Variants in SEMA3F observed in about 807,000 individuals in gnomAD.
SEMA3F encodes semaphorin-3F.
Under a neutral mutation model 98.5 loss-of-function variants are expected in SEMA3F, and 30 were observed. The observed-to-expected ratio is 0.30, with a 90% confidence interval of 0.23 to 0.41. The LOEUF is 0.41. Ranked by LOEUF, SEMA3F falls within the 10% of genes least tolerant of loss-of-function variation. The pLI, the probability that SEMA3F is intolerant of heterozygous loss-of-function variation, is 1.00. For synonymous variants in SEMA3F, 380 were observed against 444.8 expected, an observed-to-expected ratio of 0.85 and a Z score of 1.83; for missense variants, 866 against 1,119.3, an observed-to-expected ratio of 0.77 and a Z score of 3.23.
rs146951328 is a variant in SEMA3F at position 50,170,371 on chromosome 3, C to T, written c.113-3422C>T. Among the ~76,000 whole-genome samples, 527 of 152,218 alleles carry T rather than the reference C, an allele frequency of 3.5e-3. 2 individuals carry two copies. The highest frequency in any genetic ancestry group is 6.0e-3 in the Non-Finnish European group (410 of 68,024). ...GGTTGCCTCTTCCTGCCTTATAGCC[C>T]TCTCTGCTCCCCAATCTAGCACTAG... is the stretch of plus-strand genomic sequence containing the variant. On this transcript the variant is annotated intron_variant, in intron 2 of 18. Coordinates refer to ENST00000002829, the MANE Select transcript of SEMA3F (RefSeq NM_004186.5).
At chr3:50,165,257 A>T (rs1237272839) in intron 2 of SEMA3F, among the ~76,000 whole-genome samples, 1 of 152,170 alleles carries the variant, frequency 6.6e-6, no homozygotes, top group African/African-American at 2.4e-5. Flanking sequence ...GGGGAAGAGG[A>T]CAGATGCTAG....
At position 50,174,036 on chromosome 3, in the gene SEMA3F, A is replaced by AC. The variant is rs1289025493; in HGVS notation, c.274-10dup. ...CATGTCCAGAAGGCTGCACCTTCTG[A>AC]CCCCCCTCTCTGCAGATACACTGGG... On this transcript the variant is annotated splice_polypyrimidine_tract_variant and intron_variant, in intron 3 of 18. Transcript: ENST00000002829. 5 of 1,613,638 alleles carry AC rather than the reference A, an allele frequency of 3.1e-6. No homozygotes were observed. Among genetic ancestry groups the AC allele is most frequent in the African/African-American group, 1.3e-5 (1 of 74,830 alleles).
chr3:50,168,807 C>CTA (rs1385973644), intron 2 of SEMA3F, among the ~76,000 whole-genome samples: 2 of 152,214 alleles, frequency 1.3e-5, no homozygotes, highest in African/African-American at 4.8e-5. Flanking sequence ...GCCACTGCTA[C>CTA]TATAGCCTTG....
chr3:50,167,320 C>A (rs1208881800), intron 2 of SEMA3F, among the ~76,000 whole-genome samples: 3 of 152,218 alleles, frequency 2.0e-5, no homozygotes, highest in East Asian at 1.9e-4. Flanking sequence ...GCCGGAGAGA[C>A]CCCATCTGCT....
chr3:50,177,193 G>C (rs547051181), intron 7 of SEMA3F, among the ~76,000 whole-genome samples: 2 of 152,194 alleles, frequency 1.3e-5, no homozygotes, highest in Non-Finnish European at 2.9e-5. Context: ...AGCCGAGTGC[G>C]TATCGGGGCT....
At chr3:50,185,054 A>G (rs2109121066) in intron 13 of SEMA3F, among the ~76,000 whole-genome samples, 1 of 152,214 alleles carries the variant, frequency 6.6e-6, no homozygotes. Flanking sequence ...GCATCTGGGG[A>G]CTTATGTATG....
In SEMA3F at chr3:50,159,618, C is replaced by T; in HGVS notation, c.-5C>T. The T allele has an allele frequency of 6.3e-7, 1 of 1,592,682 alleles. No individual in the cohort carries two copies. The highest frequency in any genetic ancestry group is 8.6e-7 in the Non-Finnish European group (1 of 1,163,932). On this transcript the variant is annotated 5_prime_UTR_variant, in exon 2 of 19. Coordinates refer to ENST00000002829, the MANE Select transcript of SEMA3F (RefSeq NM_004186.5). Reference sequence around the variant, plus strand: ...CTGCTTCCTGGGCCCTAGGCCCCTCCCACAATGCTTGTCGCCGGTCTTCTT... The same window carrying T: ...CTGCTTCCTGGGCCCTAGGCCCCTCTCACAATGCTTGTCGCCGGTCTTCTT...
At chr3:50,169,117 T>C (rs1282130629) in intron 2 of SEMA3F, among the ~76,000 whole-genome samples, 2 of 152,136 alleles carry the variant, frequency 1.3e-5, no homozygotes, top group African/African-American at 2.4e-5. Context: ...GACTCCTCTT[T>C]TTGCGGCAGC....
intron 16 of SEMA3F, 34 bp from the exon 17 acceptor site, chr3:50,186,247 T>A (rs1699206634): frequency 2.5e-6 from 4 of 1,607,342 alleles, no homozygotes; most frequent in Non-Finnish European, 3.4e-6. Context: ...GCAAGCTTCC[T>A]GGGAGCACTC....
chr3:50,174,189 G>A (rs1698717968), intron 4 of SEMA3F, 42 bp from the exon 5 acceptor site: 1 of 1,613,800 alleles, frequency 6.2e-7, no homozygotes, highest in Non-Finnish European at 8.5e-7. Flanking sequence ...TGAGGGGGCA[G>A]GCCTGGCCAG....
At position 50,166,140 on chromosome 3, in the gene SEMA3F, C is replaced by G. The variant is rs1028917342; in HGVS notation, c.112+6406C>G. ...TACTCCCCCTTGCCTCCACCCCTCC[C>G]TTTGCCACCCCTCTTGGCTTCCTAC... On this transcript the variant is annotated intron_variant, in intron 2 of 18. Coordinates refer to ENST00000002829, the MANE Select transcript of SEMA3F (RefSeq NM_004186.5). The surrounding 1 kb of genome is among the most constrained non-coding windows in gnomAD (Gnocchi z 4.7). 6.6e-6 allele frequency among the ~76,000 whole-genome samples: 1 copy of G among 152,118 alleles called. No homozygotes were observed. Among genetic ancestry groups the G allele is most frequent in the Non-Finnish European group, 1.5e-5 (1 of 68,010 alleles).
rs1027865253 is a variant in SEMA3F, at chr3:50,173,743, C to T, written c.113-50C>T. ...CTCCCCTTTATCAGAGGGGGTATGG[C>T]TGGATGGTTTCCTGAAGGTCCTAAT... On this transcript the variant is annotated intron_variant, in intron 2 of 18. Transcript: ENST00000002829. The T allele has an allele frequency of 3.2e-6, 5 of 1,563,032 alleles. No individual in the cohort carries two copies. The African/African-American group carries it at 6.8e-5, about 21-fold the overall frequency.
chr3:50,168,547 C>G (rs1284546359), intron 2 of SEMA3F, among the ~76,000 whole-genome samples: 1 of 152,148 alleles, frequency 6.6e-6, no homozygotes, highest in Non-Finnish European at 1.5e-5. Context: ...ATCTGGGCCT[C>G]CCTGCCCCCC....
chr3:50,185,445 C>T lies in SEMA3F; in HGVS notation c.1459C>T (p.Arg487Cys), dbSNP rs755217152. ...AGGCCCTGCCCGGCCCGTTCCAGACCGCGGGACAGTGCAGAAGGTCATTGT... is the reference window on the plus strand; with the variant it reads ...AGGCCCTGCCCGGCCCGTTCCAGACTGCGGGACAGTGCAGAAGGTCATTGT... ...RYEVLFLGTD[R>C]GTVQKVIVLP... Residue 487 changes from arginine to cysteine, a missense_variant and splice_region_variant, in exon 14 of 19, where the codon CGC becomes TGC. Coordinates refer to ENST00000002829, the MANE Select transcript of SEMA3F (RefSeq NM_004186.5). The T allele has an allele frequency of 2.5e-5, 40 of 1,613,056 alleles. No individual in the cohort carries two copies. The highest frequency in any genetic ancestry group is 3.3e-5 in the Admixed American group (2 of 59,902).
At position 50,182,882 on chromosome 3, in the gene SEMA3F, G is replaced by C; in HGVS notation, c.904-22G>C. On this transcript the variant is annotated intron_variant, in intron 9 of 18. Transcript: ENST00000002829. This position sits in a 1 kb window ranked among gnomAD's most constrained non-coding sequence, Gnocchi z 4.5. ...TTGGGGTCAAGAGCTGATCTGACCC[G>C]GCCTCTTGCCCCACCCCCCAGAACG... 1 of 1,611,558 alleles carries C rather than the reference G, an allele frequency of 6.2e-7. No individual in the cohort carries two copies. The highest frequency in any genetic ancestry group is 8.5e-7 in the Non-Finnish European group (1 of 1,178,242).
At chr3:50,171,677 A>ATGTT (rs2109082202) in intron 2 of SEMA3F, among the ~76,000 whole-genome samples, 1 of 152,008 alleles carries the variant, frequency 6.6e-6, no homozygotes, top group East Asian at 1.9e-4. Context: ...GGGTGGGGGA[A>ATGTT]TGTTTACTTT....
chr3:50,178,790 A>T (rs1400107861), intron 7 of SEMA3F, among the ~76,000 whole-genome samples: 2 of 147,042 alleles, frequency 1.4e-5, no homozygotes, highest in African/African-American at 5.0e-5. Flanking sequence ...GTTGTTATTT[A>T]TAGAGCTCAG....
At chr3:50,168,194 G>T (rs1464624947) in intron 2 of SEMA3F, among the ~76,000 whole-genome samples, 2 of 152,036 alleles carry the variant, frequency 1.3e-5, no homozygotes, top group African/African-American at 2.4e-5. Flanking sequence ...GAGATGCTAT[G>T]CGGGGGCAGA....
rs1575404718 is a variant in SEMA3F, at chr3:50,182,598, C to T, written c.764-46C>T. The T allele has an allele frequency of 1.9e-6, 3 of 1,599,030 alleles. No homozygotes were observed. The highest frequency in any genetic ancestry group is 4.5e-5 in the East Asian group (2 of 44,566). On this transcript the variant is annotated intron_variant, in intron 8 of 18. Transcript: ENST00000002829. This position sits in a 1 kb window ranked among gnomAD's most constrained non-coding sequence, Gnocchi z 4.5. The stretch of plus-strand genomic sequence containing the variant: ...GGATTCTGTTGGAGAACATCAGGGG[C>T]ACCATCAGAGTAGGGGCTCACCCAG...
Sources: gnomAD v4.1 joint callset for allele counts (sites outside exome capture counted in the v4.1 genomes callset) on GRCh38, gnomAD v4.1.1 for gene constraint, Gnocchi (gnomAD v3.1) non-coding constraint, MANE v1.5 for transcripts, NCBI Gene and HGNC (gene_info 2026-07-23, HGNC 2026-07-21) for gene names.